Variants in SPARCL1 observed in about 807,000 individuals in gnomAD.
SPARCL1 encodes SPARC like 1, also known as SPARC-like protein 1.
A neutral mutation model predicts 67.1 loss-of-function variants in SPARCL1; 52 were observed. The observed-to-expected ratio is 0.78, with a 90% CI of 0.62 to 0.98. The LOEUF is 0.98. Ranked by LOEUF, SPARCL1 falls within the 50% of genes least tolerant of loss-of-function variation. SPARCL1 has a pLI of 0.00. For synonymous variants in SPARCL1, 226 were observed against 267.8 expected (o/e 0.84, Z 1.52); for missense variants, 717 against 782.4 (o/e 0.92, Z 1.00).
At chr4:87,520,473 A>G (rs1725766525) in intron 1 of SPARCL1, among the ~76,000 whole-genome samples, 1 of 152,114 alleles carries the variant, frequency 6.6e-6, no homozygotes, top group Non-Finnish European at 1.5e-5. Flanking sequence ...ATCAGATATG[A>G]AAACGTTTTT....
chr4:87,504,348 A>G (rs1463393598), intron 1 of SPARCL1, among the ~76,000 whole-genome samples: 1 of 152,200 alleles, frequency 6.6e-6, no homozygotes, highest in Admixed American at 6.5e-5. Flanking sequence ...ATGACTACAT[A>G]TAACAAGGAG....
At position 87,486,888 on chromosome 4, in the gene SPARCL1, CTTTTTTTTTTTTTTTTTTTTTTTTTT is replaced by C. The variant is rs57597004; in HGVS notation, c.1531+3359_1531+3384del. The stretch of plus-strand genomic sequence containing the variant: ...TCTGAGGCTAGTATTGCAATTCCTG[CTTTTTTTTTTTTTTTTTTTTTTTTTT>C]TTTTTTTTTTTTTTTGCTTTCCAAT... On this transcript the variant is annotated intron_variant, in intron 7 of 10. Transcript: ENST00000282470. 2.5e-3 allele frequency among the ~76,000 whole-genome samples: 69 copies of C among 28,000 alleles called. 1 individual carries two copies. Among genetic ancestry groups the C allele is most frequent in the Admixed American group, 6.4e-3 (14 of 2,178 alleles). The allele number at this position is 28,000 out of a possible 152,430, so 18.4% of individuals were successfully genotyped here. A position where few individuals can be genotyped will look rare whatever the true frequency, so the allele number is the denominator to read the frequency against.
chr4:87,493,887 T>G lies in SPARCL1; in HGVS notation c.913A>C (p.Ile305Leu), dbSNP rs779973458. Residue 305 changes from isoleucine (I) to leucine (L), a missense_variant, in exon 4 of 11, where the codon ATC becomes CTC. Ile to Leu is a conservative substitution (Grantham distance 5, BLOSUM62 2). Coordinates refer to ENST00000282470, the MANE Select transcript of SPARCL1 (RefSeq NM_004684.6). Reference protein sequence around the residue: ...SQEGKTGLEAISNHKETEEKT... With the variant: ...SQEGKTGLEALSNHKETEEKT... ...TCTTCTGTCTCTTTGTGGTTGCTGA[T>G]AGCTTCTAGGCCAGTTTTACCCTCT... is the stretch of plus-strand genomic sequence containing the variant. 1 of 1,614,124 alleles carries G rather than the reference T, an allele frequency of 6.2e-7. No individual in the cohort carries two copies. The highest frequency in any genetic ancestry group is 8.5e-7 in the Non-Finnish European group (1 of 1,180,050).
At chr4:87,506,693 T>C (rs1305170683) in intron 1 of SPARCL1, among the ~76,000 whole-genome samples, 1 of 152,196 alleles carries the variant, frequency 6.6e-6, no homozygotes, top group East Asian at 1.9e-4. Context: ...ATTGGCTCTC[T>C]TGGCTTTCCA....
intron 1 of SPARCL1, chr4:87,528,456 G>T (rs947282386): frequency 1.3e-5 from 2 of 151,996 alleles, no homozygotes. Flanking sequence ...AAAATAATTA[G>T]TTATAAAGCT....
At chr4:87,496,305 C>G (rs1305415040) in intron 2 of SPARCL1, among the ~76,000 whole-genome samples, 1 of 152,188 alleles carries the variant, frequency 6.6e-6, no homozygotes, top group African/African-American at 2.4e-5. Flanking sequence ...TCACTGCAAC[C>G]TCTGCCTCCC....
chr4:87,522,382 G>C (rs959780755), intron 1 of SPARCL1, among the ~76,000 whole-genome samples: 1 of 151,852 alleles, frequency 6.6e-6, no homozygotes, highest in African/African-American at 2.4e-5. Flanking sequence ...GGGGCTTTGA[G>C]ACTAACCAGA....
At chr4:87,527,141 A>C (rs148045450) in intron 1 of SPARCL1, among the ~76,000 whole-genome samples, 81 of 152,334 alleles carry the variant, frequency 5.3e-4, no homozygotes, top group African/African-American at 1.8e-3. Flanking sequence ...TCAAAGTTCT[A>C]TCCATCTTTT....
intron 4 of SPARCL1, among the ~76,000 whole-genome samples, chr4:87,491,977 G>GCATGATGGTGCAT (rs1414154903): frequency 7.2e-6 from 1 of 137,980 alleles, no homozygotes; most frequent in Non-Finnish European, 1.5e-5. Context: ...AATTAGCTGG[G>GCATGATGGTGCAT]CATGATGGTG....
At chr4:87,517,034 T>C (rs745711304) in intron 1 of SPARCL1, among the ~76,000 whole-genome samples, 49 of 152,346 alleles carry the variant, frequency 3.2e-4, no homozygotes, top group Non-Finnish European at 6.0e-4. Flanking sequence ...TCCTGTGTTA[T>C]AGTGGGAGAC....
chr4:87,490,480 C>A, intron 6 of SPARCL1, 87 bp from the exon 7 acceptor site: 1 of 1,432,912 alleles, frequency 7.0e-7, no homozygotes, highest in South Asian at 1.4e-5. Context: ...ATGCTGATAA[C>A]AGCGCTGTGC....
intron 1 of SPARCL1, among the ~76,000 whole-genome samples, chr4:87,500,268 C>T (rs796079474): frequency 2.2e-4 from 33 of 152,230 alleles, no homozygotes; most frequent in African/African-American, 5.1e-4. Context: ...GGGATGCTGG[C>T]GTTTGTGCTT....
At chr4:87,509,334 A>T (rs1277875866) in intron 1 of SPARCL1, among the ~76,000 whole-genome samples, 1 of 152,190 alleles carries the variant, frequency 6.6e-6, no homozygotes, top group Admixed American at 6.5e-5. Flanking sequence ...AAACTCGGGC[A>T]TAAAGATTAA....
chr4:87,519,015 T>C (rs1322558895), intron 1 of SPARCL1, among the ~76,000 whole-genome samples: 1 of 152,016 alleles, frequency 6.6e-6, no homozygotes, highest in Admixed American at 6.6e-5. Context: ...TTACCTATCA[T>C]AAAGGTCAAT....
chr4:87,509,810 T>C (rs1725271051), intron 1 of SPARCL1, among the ~76,000 whole-genome samples: 1 of 152,224 alleles, frequency 6.6e-6, no homozygotes, highest in Non-Finnish European at 1.5e-5. Context: ...TGTCTGTGTG[T>C]GTGCACACAT....
At chr4:87,478,956 C>T (rs202182474) in intron 10 of SPARCL1, among the ~76,000 whole-genome samples, 1 of 152,056 alleles carries the variant, frequency 6.6e-6, no homozygotes, top group Non-Finnish European at 1.5e-5. Flanking sequence ...AAGGATTATC[C>T]CAGCACTAAT....
intron 9 of SPARCL1, 73 bp from the exon 10 acceptor site, chr4:87,479,651 G>C: frequency 6.8e-7 from 1 of 1,479,000 alleles, no homozygotes; most frequent in South Asian, 1.2e-5. Context: ...GGCTCACCAA[G>C]GACATTTTTC....
intron 8 of SPARCL1, among the ~76,000 whole-genome samples, 172 bp from the exon 9 acceptor site, chr4:87,480,692 A>C (rs1723784653): frequency 6.6e-6 from 1 of 152,178 alleles, no homozygotes; most frequent in African/African-American, 2.4e-5. Flanking sequence ...GGCCTTTCTC[A>C]TGTCTACACA....
chr4:87,493,584 C>T lies in SPARCL1; in HGVS notation c.1216G>A (p.Glu406Lys). 1.9e-6 allele frequency: 3 copies of T among 1,600,118 alleles called. No homozygotes were observed. Among genetic ancestry groups the T allele is most frequent in the East Asian group, 2.2e-5 (1 of 44,646 alleles). The change falls in exon 4 of 11, where the codon GAG becomes AAG. Residue 406 changes from glutamate (E) to lysine (K), a missense_variant and splice_region_variant. Transcript: ENST00000282470. Reference protein sequence around the residue: ...IGTTEPGEHQEAKKAENSSNE... With the variant: ...IGTTEPGEHQKAKKAENSSNE... ...AGGACCATTTAAAATAATTTTACCT[C>T]TTGGTGCTCTCCAGGCTCAGTGGTA...
Sources: allele counts gnomAD v4.1 joint callset (sites outside exome capture counted in the v4.1 genomes callset), GRCh38; gene constraint gnomAD v4.1.1; transcripts MANE v1.5; gene names NCBI Gene and HGNC (gene_info 2026-07-23, HGNC 2026-07-21).